SCLT1: variants seen among roughly 807,000 people sequenced by gnomAD.
SCLT1 encodes the protein sodium channel-associated protein 1.
A neutral mutation model predicts 112.8 loss-of-function variants in SCLT1; 78 were observed. That is an observed-to-expected ratio of 0.69 (90% CI 0.58 to 0.83). The LOEUF is 0.83. SCLT1 is among the 40% of genes least tolerant of loss of function. The pLI, the probability that SCLT1 is intolerant of heterozygous loss-of-function variation, is 0.00. For synonymous variants in SCLT1, 257 were observed against 254.7 expected (o/e 1.01, Z -0.09); for missense variants, 747 against 770.4 (o/e 0.97, Z 0.36).
chr4:128,991,825 T>A (rs1742598371), intron 9 of SCLT1, among the ~76,000 whole-genome samples: 1 of 151,868 alleles, frequency 6.6e-6, no homozygotes, highest in East Asian at 1.9e-4. Context: ...CAATACAGTA[T>A]ATAATCTATT....
chr4:128,993,798 A>G (rs1485107814), intron 8 of SCLT1, among the ~76,000 whole-genome samples: 1 of 152,114 alleles, frequency 6.6e-6, no homozygotes, highest in Admixed American at 6.6e-5. Context: ...CTATACTTTC[A>G]TGCAGGATAG....
chr4:128,988,796 T>C (rs532535460), intron 9 of SCLT1, among the ~76,000 whole-genome samples: 2 of 151,912 alleles, frequency 1.3e-5, no homozygotes, highest in Non-Finnish European at 2.9e-5. Flanking sequence ...AGACAGTCCA[T>C]GCAAACAGAA....
intron 18 of SCLT1, among the ~76,000 whole-genome samples, chr4:128,914,358 C>T (rs1000438023): frequency 2.7e-5 from 4 of 149,610 alleles, no homozygotes; most frequent in East Asian, 1.9e-4. Flanking sequence ...AGCGAAACTC[C>T]GTCTCAAAAA....
chr4:129,089,679 A>G (rs968603678), intron 1 of SCLT1, among the ~76,000 whole-genome samples: 1 of 152,232 alleles, frequency 6.6e-6, no homozygotes, highest in African/African-American at 2.4e-5. Flanking sequence ...ACTATTATGC[A>G]GCCATAGAAA....
chr4:129,055,818 T>TAAAAAA (rs56689003), intron 2 of SCLT1, among the ~76,000 whole-genome samples: 1 of 132,478 alleles, frequency 7.5e-6, no homozygotes, highest in East Asian at 2.1e-4. Flanking sequence ...GCCACTGGCA[T>TAAAAAA]AAAAAAAAAA....
intron 5 of SCLT1, among the ~76,000 whole-genome samples, chr4:129,024,649 C>A (rs1395720031): frequency 6.6e-6 from 1 of 152,220 alleles, no homozygotes; most frequent in East Asian, 1.9e-4. Flanking sequence ...CGACTCTCCT[C>A]CTCCAAAGGA....
chr4:128,878,991 G>A (rs1429679734), intron 3 of SCLT1, among the ~76,000 whole-genome samples: 1 of 151,768 alleles, frequency 6.6e-6, no homozygotes, highest in African/African-American at 2.4e-5. Context: ...TCACTCGGGA[G>A]GGGGGAGGGA....
intron 5 of SCLT1, among the ~76,000 whole-genome samples, chr4:129,007,305 T>C (rs1213824561): frequency 1.4e-4 from 21 of 152,202 alleles, no homozygotes; most frequent in Admixed American, 1.4e-3. Context: ...CTGTTTTTTT[T>C]TCTGGTTGCT....
chr4:128,959,844 C>T (rs776709811), intron 11 of SCLT1, 67 bp from the exon 12 acceptor site: 23 of 1,183,594 alleles, frequency 1.9e-5, no homozygotes, highest in Non-Finnish European at 2.9e-5. Flanking sequence ...ATTTACTGAG[C>T]ATCTACTACA....
intron 5 of SCLT1, among the ~76,000 whole-genome samples, chr4:129,028,785 A>G (rs1746395252): frequency 6.6e-6 from 1 of 152,170 alleles, no homozygotes; most frequent in Non-Finnish European, 1.5e-5. Context: ...TCATCTGACA[A>G]AAGGCTAATA....
At chr4:128,941,902 GT>G (rs761224825) in intron 17 of SCLT1, among the ~76,000 whole-genome samples, 11 of 152,038 alleles carry the variant, frequency 7.2e-5, no homozygotes, top group Non-Finnish European at 1.5e-4. Context: ...TGTGAAGCCA[GT>G]TTTCCCCCCA....
chr4:128,971,492 C>T (rs1270711093), intron 9 of SCLT1: 1 of 152,112 alleles, frequency 6.6e-6, no homozygotes, highest in Non-Finnish European at 1.5e-5. Context: ...TTGCAGTCAT[C>T]TCACTTGACA....
chr4:128,998,793 T>A (rs1378167568), intron 7 of SCLT1, among the ~76,000 whole-genome samples: 1 of 151,888 alleles, frequency 6.6e-6, no homozygotes, highest in Non-Finnish European at 1.5e-5. Context: ...ACATAAGTAT[T>A]TTTACAATTT....
intron 6 of SCLT1, among the ~76,000 whole-genome samples, chr4:129,002,527 T>A (rs1743595805): frequency 6.6e-6 from 1 of 152,080 alleles, no homozygotes; most frequent in Non-Finnish European, 1.5e-5. Context: ...ATGGATTTTT[T>A]CCTTTAAAAA....
chr4:129,065,846 C>G lies in SCLT1; in HGVS notation c.102+16460G>C, dbSNP rs995547582. The stretch of plus-strand genomic sequence containing the variant: ...AATTTCACAACAATTTATTTTCTTT[C>G]CAGTTGTAGTGACTAAACCCTATTA... On this transcript the variant is annotated intron_variant, in intron 2 of 20. Coordinates refer to ENST00000281142, the MANE Select transcript of SCLT1 (RefSeq NM_144643.4). Among the ~76,000 whole-genome samples, 7 of 152,152 alleles carry G rather than the reference C, an allele frequency of 4.6e-5. No individual in the cohort carries two copies. The South Asian group carries it at 8.3e-4, about 18-fold the overall frequency.
chr4:129,038,402 G>T (rs1181666154), intron 5 of SCLT1, among the ~76,000 whole-genome samples: 1 of 151,986 alleles, frequency 6.6e-6, no homozygotes, highest in Non-Finnish European at 1.5e-5. Flanking sequence ...TTGCACTTGT[G>T]TATGTTATTG....
chr4:128,924,814 C>G (rs1217788889), intron 18 of SCLT1, among the ~76,000 whole-genome samples: 1 of 152,162 alleles, frequency 6.6e-6, no homozygotes, highest in African/African-American at 2.4e-5. Flanking sequence ...TATGAAGTCT[C>G]ACCTATGTGG....
intron 9 of SCLT1, among the ~76,000 whole-genome samples, chr4:128,985,891 A>G (rs1742049661): frequency 6.6e-6 from 1 of 152,122 alleles, no homozygotes. Context: ...AATCTCGATT[A>G]AGAAATATTT....
At chr4:128,997,976 T>A in intron 7 of SCLT1, 37 bp from the exon 8 acceptor site, 2 of 1,067,132 alleles carry the variant, frequency 1.9e-6, no homozygotes, top group Non-Finnish European at 2.6e-6. Context: ...ATAAATAGCA[T>A]TTTGTTGTTT....
Sources: gnomAD v4.1 joint callset for allele counts (sites outside exome capture counted in the v4.1 genomes callset) on GRCh38, gnomAD v4.1.1 for gene constraint, MANE v1.5 for transcripts, NCBI Gene and HGNC (gene_info 2026-07-23, HGNC 2026-07-21) for gene names.